The following BCL2L13 variants were observed in gnomAD, a reference collection of about 807,000 sequenced individuals.
The protein encoded by BCL2L13 is BCL2 like 13.
BCL2L13 carries 13 observed loss-of-function variants against 25.8 expected under a neutral mutation model. The observed-to-expected ratio is 0.50, with a 90% confidence interval of 0.33 to 0.80. The LOEUF is 0.80. Ranked by LOEUF, BCL2L13 falls within the 30% of genes least tolerant of loss-of-function variation. The pLI, the probability that BCL2L13 is intolerant of heterozygous loss-of-function variation, is 0.02. For missense variants in BCL2L13, 504 were observed against 574.9 expected (o/e 0.88, Z 1.26); for synonymous variants, 244 against 230.3 (o/e 1.06, Z -0.54).
chr22:17,677,017 A>G (rs1461998281), intron 2 of BCL2L13, among the ~76,000 whole-genome samples: 2 of 152,232 alleles, frequency 1.3e-5, no homozygotes, highest in Non-Finnish European at 2.9e-5. Context: ...AGTATATGCT[A>G]TTGGTGACAT....
chr22:17,631,662 GTGTGTGTGTATATATA>G (rs1268864887), intron 1 of BCL2L13, among the ~76,000 whole-genome samples: 1,334 of 31,984 alleles, frequency 0.042, 85 homozygotes, highest in Middle Eastern at 0.12. Context: ...GTATGTATGT[GTGTGTGTGTATATATA>G]TATATATATA....
chr22:17,635,630 C>A (rs576505691), upstream of BCL2L13, among the ~76,000 whole-genome samples: 3 of 152,148 alleles, frequency 2.0e-5, no homozygotes, highest in South Asian at 6.2e-4. Flanking sequence ...AGGCCAGGAA[C>A]TTTAGGAGGC....
At chr22:17,726,051 A>G (rs919566689) in intron 6 of BCL2L13, among the ~76,000 whole-genome samples, 4 of 152,118 alleles carry the variant, frequency 2.6e-5, no homozygotes, top group African/African-American at 4.8e-5. Flanking sequence ...TCAGCACTCA[A>G]AAAGTTTCGG....
At chr22:17,695,920 G>T in intron 4 of BCL2L13, 9 of 411,268 alleles carry the variant, frequency 2.2e-5, no homozygotes, top group East Asian at 3.7e-5. Flanking sequence ...CATTTATCTT[G>T]CTATGTTATT....
intron 2 of BCL2L13, among the ~76,000 whole-genome samples, chr22:17,680,970 A>T (rs1176221587): frequency 6.6e-6 from 1 of 151,910 alleles, no homozygotes; most frequent in East Asian, 1.9e-4. Context: ...GTCACTGAGA[A>T]CGTATGGAAA....
intron 3 of BCL2L13, among the ~76,000 whole-genome samples, chr22:17,687,010 A>G (rs1488300252): frequency 1.3e-5 from 2 of 152,174 alleles, no homozygotes; most frequent in Non-Finnish European, 2.9e-5. Flanking sequence ...CAGCTTGCTC[A>G]AACAACAAAG....
intron 2 of BCL2L13, among the ~76,000 whole-genome samples, chr22:17,656,921 C>G (rs899889649): frequency 3.3e-5 from 5 of 152,092 alleles, no homozygotes; most frequent in Admixed American, 3.3e-4. Flanking sequence ...CGGGTTCAAG[C>G]AATTCTCCTG....
At chr22:17,658,574 A>G (rs1004989908) in intron 2 of BCL2L13, among the ~76,000 whole-genome samples, 1 of 151,972 alleles carries the variant, frequency 6.6e-6, no homozygotes, top group East Asian at 1.9e-4. Flanking sequence ...CACGCCTGTA[A>G]TCCCAGCTAC....
chr22:17,689,682 A>G (rs971943801), intron 4 of BCL2L13, among the ~76,000 whole-genome samples: 3 of 151,998 alleles, frequency 2.0e-5, no homozygotes, highest in Non-Finnish European at 2.9e-5. Context: ...GTCTCTACTA[A>G]AAATATAAAA....
chr22:17,632,990 G>A (rs1251281024), intron 1 of BCL2L13, among the ~76,000 whole-genome samples: 1 of 152,048 alleles, frequency 6.6e-6, no homozygotes, highest in Non-Finnish European at 1.5e-5. Flanking sequence ...CTGGCCTCAG[G>A]TGATCCACCC....
At chr22:17,651,367 C>CTATTTATTTATT (rs148784214) in intron 1 of BCL2L13, among the ~76,000 whole-genome samples, 4 of 49,530 alleles carry the variant, frequency 8.1e-5, no homozygotes, top group Non-Finnish European at 1.1e-4. Flanking sequence ...CAGCCTAGAC[C>CTATTTATTTATT]TATTTATTTA....
chr22:17,685,288 T>C (rs1287968614), intron 3 of BCL2L13, among the ~76,000 whole-genome samples: 4 of 151,840 alleles, frequency 2.6e-5, no homozygotes, highest in Non-Finnish European at 5.9e-5. Flanking sequence ...TGCAGTGGCA[T>C]GATCTGGGCT....
At chr22:17,721,386 A>C (rs1173374918) in intron 6 of BCL2L13, among the ~76,000 whole-genome samples, 1 of 152,056 alleles carries the variant, frequency 6.6e-6, no homozygotes, top group African/African-American at 2.4e-5. Flanking sequence ...TTTTTAATTT[A>C]AAAAATTTTG....
intron 4 of BCL2L13, among the ~76,000 whole-genome samples, chr22:17,693,420 C>T (rs1156559672): frequency 1.4e-5 from 2 of 142,384 alleles, no homozygotes; most frequent in Non-Finnish European, 3.0e-5. Context: ...CGCTCTGTCA[C>T]CCAGGCTGGA....
rs530560593 is a variant in BCL2L13, at chr22:17,717,412, C to G, written c.601-9265C>G. 4.4e-5 allele frequency among the ~76,000 whole-genome samples: 6 copies of G among 137,412 alleles called. 1 individual carries two copies. The highest frequency in any genetic ancestry group is 1.8e-4 in the African/African-American group (6 of 33,646). 90.1% of individuals were successfully genotyped at this position (137,412 alleles called of 152,430 possible). On this transcript the variant is annotated intron_variant, in intron 6 of 6. Coordinates refer to ENST00000317582, the MANE Select transcript of BCL2L13 (RefSeq NM_015367.4). ...GATCCAATGTTGTTGTTCCCTCTTC[C>G]GTGAATCTCTCATGTTCCCAGAGTA...
At chr22:17,697,052 T>C (rs2060285700) in intron 5 of BCL2L13, among the ~76,000 whole-genome samples, 1 of 152,048 alleles carries the variant, frequency 6.6e-6, no homozygotes, top group South Asian at 2.1e-4. Flanking sequence ...TGTACCTAAT[T>C]GATGTATATT....
At chr22:17,684,594 G>A (rs1245012644) in intron 3 of BCL2L13, 8 of 453,590 alleles carry the variant, frequency 1.8e-5, no homozygotes, top group East Asian at 1.4e-4. Context: ...ATGCAGTTTC[G>A]CTCTCATTGC....
chr22:17,723,931 C>CA (rs35516339), intron 6 of BCL2L13, among the ~76,000 whole-genome samples: 15,511 of 132,952 alleles, frequency 0.12, 1,002 homozygotes, highest in African/African-American at 0.16. Context: ...GACTCCGTCT[C>CA]AAAAAAAAAA....
In BCL2L13 at chr22:17,697,991, T is replaced by A. The variant is rs2060314796; in HGVS notation, c.456+1781T>A. Among the ~76,000 whole-genome samples, 3 of 151,984 alleles carry A rather than the reference T, an allele frequency of 2.0e-5. No homozygotes were observed. In the South Asian group the frequency reaches 6.2e-4, roughly 31 times the overall value. ...CCACCTTGCCCAGCTAATTTTTGTA[T>A]TCTTAGTAGAGATGGGGTTTCACTG... On this transcript the variant is annotated intron_variant, in intron 5 of 6. Coordinates refer to ENST00000317582, the MANE Select transcript of BCL2L13 (RefSeq NM_015367.4).
Sources: allele counts gnomAD v4.1 joint callset (sites outside exome capture counted in the v4.1 genomes callset), GRCh38; gene constraint gnomAD v4.1.1; transcripts MANE v1.5; gene names NCBI Gene and HGNC (gene_info 2026-07-23, HGNC 2026-07-21).